MRTFB: variants seen among roughly 807,000 people sequenced by gnomAD.
The protein encoded by MRTFB is myocardin-related transcription factor B.
In MRTFB, 29 loss-of-function variants were observed where a neutral mutation model predicts 104.2. The observed-to-expected ratio is 0.28, with a 90% CI of 0.21 to 0.38. MRTFB has a LOEUF of 0.38. MRTFB is among the 10% of genes least tolerant of loss of function. The pLI is 1.00. For synonymous variants in MRTFB, 535 were observed against 519.5 expected, an observed-to-expected ratio of 1.03 and a Z score of -0.41; for missense variants, 1,270 against 1,341.6, an observed-to-expected ratio of 0.95 and a Z score of 0.83.
At chr16:14,022,751 T>C in the MRTFB span, among the ~76,000 whole-genome samples, 1 of 148,688 alleles carries the variant, frequency 6.7e-6, no homozygotes, top group Non-Finnish European at 1.5e-5. Context: ...CTGTTCTTTT[T>C]TTTTTTTTTT....
At position 14,243,863 on chromosome 16, in the gene MRTFB, G is replaced by GGTTTTTTTTTTGTTTTGTTTT. The variant is rs1236026963; in HGVS notation, c.1080-1654_1080-1653insGTTTTGTTTTGTTTTTTTTTT. On this transcript the variant is annotated intron_variant, in intron 10 of 16. Coordinates refer to ENST00000571589, the MANE Select transcript of MRTFB (RefSeq NM_001308142.2). ...CCAGAGATTAGTTTTGCCTGTTTTG[G>GGTTTTTTTTTTGTTTTGTTTT]GTTTTTTTTTTTTTGAGACAGAGTC... 4.0e-4 allele frequency among the ~76,000 whole-genome samples: 47 copies of GGTTTTTTTTTTGTTTTGTTTT among 118,830 alleles called. 1 individual carries two copies. The highest frequency in any genetic ancestry group is 2.1e-3 in the African/African-American group (41 of 19,618). The allele number at this position is 118,830 out of a possible 152,430, so 78.0% of individuals were successfully genotyped here.
chr16:14,134,300 G>A lies in MRTFB; in HGVS notation c.-63-6244G>A, dbSNP rs757777364. Among the ~76,000 whole-genome samples, 39 of 152,000 alleles carry A rather than the reference G, an allele frequency of 2.6e-4. 1 individual carries two copies. The highest frequency in any genetic ancestry group is 5.1e-4 in the Non-Finnish European group (35 of 68,018). On this transcript the variant is annotated intron_variant, in intron 2 of 16. Coordinates refer to ENST00000571589, the MANE Select transcript of MRTFB (RefSeq NM_001308142.2). Reference sequence around the variant, plus strand: ...TTTTCTGTATACTTAATGGTTACACGTAAAAATCCAACAGCTACAAATAAA... The same window carrying A: ...TTTTCTGTATACTTAATGGTTACACATAAAAATCCAACAGCTACAAATAAA...
chr16:14,166,993 T>C (rs184079967), intron 3 of MRTFB, among the ~76,000 whole-genome samples: 67 of 152,290 alleles, frequency 4.4e-4, no homozygotes, highest in Admixed American at 7.2e-4. Flanking sequence ...ACCTTGATAA[T>C]AGGATGATTT....
chr16:14,127,694 G>A (rs923941462), intron 2 of MRTFB, among the ~76,000 whole-genome samples: 87 of 149,678 alleles, frequency 5.8e-4, no homozygotes, highest in Non-Finnish European at 6.7e-4. Context: ...CTTGGCCAGT[G>A]ACCACTCCAT....
intron 3 of MRTFB, among the ~76,000 whole-genome samples, chr16:14,174,128 T>A (rs1001833186): frequency 2.0e-5 from 3 of 152,176 alleles, no homozygotes; most frequent in African/African-American, 7.2e-5. Context: ...GTATTCACTA[T>A]CATCAGTGCA....
the MRTFB span, among the ~76,000 whole-genome samples, chr16:14,034,495 T>C: frequency 6.6e-6 from 1 of 151,764 alleles, no homozygotes; most frequent in Non-Finnish European, 1.5e-5. Flanking sequence ...GCACCTGTAA[T>C]CCCAGCTAGT....
intron 2 of MRTFB, among the ~76,000 whole-genome samples, chr16:14,126,589 T>G (rs921675916): frequency 6.6e-6 from 1 of 152,244 alleles, no homozygotes; most frequent in Non-Finnish European, 1.5e-5. Flanking sequence ...GTAGACAGAA[T>G]AATAACACTA....
chr16:14,219,948 C>T (rs1333002925), intron 8 of MRTFB, among the ~76,000 whole-genome samples: 1 of 152,124 alleles, frequency 6.6e-6, no homozygotes, highest in Non-Finnish European at 1.5e-5. Flanking sequence ...TAAATGCTGA[C>T]TTGAATTCAG....
intron 3 of MRTFB, among the ~76,000 whole-genome samples, chr16:14,194,274 A>G (rs984975034): frequency 2.6e-5 from 4 of 152,232 alleles, no homozygotes; most frequent in African/African-American, 9.6e-5. Context: ...GGAGGCTAGG[A>G]AGCCTGGTGA....
At chr16:14,093,201 G>A (rs867570089) in intron 2 of MRTFB, among the ~76,000 whole-genome samples, 2 of 151,176 alleles carry the variant, frequency 1.3e-5, no homozygotes. Context: ...GAAAAGCACA[G>A]TTGTATTTAT....
intron 2 of MRTFB, among the ~76,000 whole-genome samples, chr16:14,110,312 C>T (rs1412484450): frequency 6.6e-5 from 10 of 152,088 alleles, no homozygotes; most frequent in East Asian, 1.9e-4. Flanking sequence ...TTTGACAGTG[C>T]GAGTTTAGGC....
chr16:14,202,653 T>C (rs1005309389), intron 3 of MRTFB, among the ~76,000 whole-genome samples: 2 of 152,226 alleles, frequency 1.3e-5, no homozygotes, highest in African/African-American at 4.8e-5. Context: ...GTGGTAATAA[T>C]TAGTAATAGC....
intron 3 of MRTFB, among the ~76,000 whole-genome samples, chr16:14,163,554 G>A (rs887860641): frequency 6.6e-5 from 10 of 151,952 alleles, no homozygotes; most frequent in South Asian, 2.1e-4. Flanking sequence ...ACTTTTGGCC[G>A]GGCACAGTGG....
chr16:14,168,191 C>T (rs772258346), intron 3 of MRTFB, among the ~76,000 whole-genome samples: 26 of 150,996 alleles, frequency 1.7e-4, no homozygotes, highest in Non-Finnish European at 3.8e-4. Flanking sequence ...TTCCATTGGT[C>T]AGTGGTTTAC....
chr16:14,058,720 T>A, the MRTFB span, among the ~76,000 whole-genome samples: 13 of 138,340 alleles, frequency 9.4e-5, no homozygotes, highest in African/African-American at 2.9e-4. Context: ...TTGTTTTTTT[T>A]TTTTTTTTTT....
chr16:14,196,317 G>C lies in MRTFB; in HGVS notation c.155-13926G>C, dbSNP rs998080078. Among the ~76,000 whole-genome samples, 5 of 152,194 alleles carry C rather than the reference G, an allele frequency of 3.3e-5. No homozygotes were observed. In the South Asian group the frequency reaches 8.3e-4, roughly 25 times the overall value. Reference sequence around the variant, plus strand: ...AGGAAACCTACAGTGTATTAGTCTGGAATAATGGCGGTCCTGTTAGCATTT... The same window carrying C: ...AGGAAACCTACAGTGTATTAGTCTGCAATAATGGCGGTCCTGTTAGCATTT... On this transcript the variant is annotated intron_variant, in intron 3 of 16. Coordinates refer to ENST00000571589, the MANE Select transcript of MRTFB (RefSeq NM_001308142.2).
intron 3 of MRTFB, among the ~76,000 whole-genome samples, chr16:14,155,340 C>G (rs1461414867): frequency 1.3e-5 from 2 of 151,852 alleles, no homozygotes; most frequent in Non-Finnish European, 2.9e-5. Flanking sequence ...CATGTTTCTC[C>G]ATGTTATATT....
At chr16:14,243,915 A>C (rs2042897542) in intron 10 of MRTFB, among the ~76,000 whole-genome samples, 1 of 139,812 alleles carries the variant, frequency 7.2e-6, no homozygotes, top group Non-Finnish European at 1.5e-5. Flanking sequence ...GCTGGAGTGC[A>C]GTGGTGCAAT....
chr16:14,190,519 C>G (rs2151053327), intron 3 of MRTFB, among the ~76,000 whole-genome samples: 1 of 152,250 alleles, frequency 6.6e-6, no homozygotes, highest in East Asian at 1.9e-4. Context: ...TCTAATGCTA[C>G]TAGCTAGTTA....
Sources: gnomAD v4.1 joint callset for allele counts (sites outside exome capture counted in the v4.1 genomes callset) on GRCh38, gnomAD v4.1.1 for gene constraint, MANE v1.5 for transcripts, NCBI Gene and HGNC (gene_info 2026-07-23, HGNC 2026-07-21) for gene names.